The following SPRY3 variants were observed in gnomAD, a reference collection of about 807,000 sequenced individuals.
The protein encoded by SPRY3 is sprouty RTK signaling antagonist 3, also known as protein sprouty homolog 3.
Under a neutral mutation model 20.2 loss-of-function variants are expected in SPRY3, and 15 were observed. The ratio of observed to expected loss-of-function variants is 0.74; its 90% confidence interval spans 0.50 to 1.14. SPRY3 has a LOEUF of 1.14. Ranked by LOEUF, SPRY3 falls within the 50% of genes most tolerant of loss-of-function variation. The pLI is 0.00. For synonymous variants in SPRY3, 143 were observed against 136.5 expected (o/e 1.05, Z -0.33); for missense variants, 364 against 363.9 (o/e 1.00, Z 0.00).
chrX:155,741,527 G>A (rs1387987712), intron 2 of SPRY3, among the ~76,000 whole-genome samples: 2 of 151,992 alleles, frequency 1.3e-5, no homozygotes, highest in African/African-American at 4.8e-5. Flanking sequence ...TCCATGAGAA[G>A]ATCAAACCCC....
intron 2 of SPRY3, chrX:155,767,667 GA>G: frequency 7.0e-6 from 1 of 143,490 alleles, no homozygotes; most frequent in Non-Finnish European, 1.5e-5. Context: ...AGGAGGAGGA[GA>G]AGGGGGAGGA....
intron 2 of SPRY3, among the ~76,000 whole-genome samples, chrX:155,728,853 G>A (rs1251100726): frequency 2.6e-5 from 4 of 151,996 alleles, no homozygotes; most frequent in African/African-American, 9.7e-5. Flanking sequence ...ACACACATAG[G>A]TTAAAAATAA....
chrX:155,769,769 G>T (rs1285143633), intron 3 of SPRY3, among the ~76,000 whole-genome samples: 1 of 152,176 alleles, frequency 6.6e-6, no homozygotes, highest in East Asian at 1.9e-4. Context: ...GACTAGGGTA[G>T]CAAAGTGACA....
chrX:155,619,214 G>T (rs782133354), intron 1 of SPRY3, among the ~76,000 whole-genome samples: 83 of 111,246 alleles, frequency 7.5e-4, no homozygotes, highest in Non-Finnish European at 6.6e-4. Flanking sequence ...GGTAAAGTAT[G>T]AAATTTAGGT....
intron 2 of SPRY3, among the ~76,000 whole-genome samples, chrX:155,734,285 C>T (rs761366469): frequency 6.6e-6 from 1 of 152,112 alleles, no homozygotes; most frequent in Non-Finnish European, 1.5e-5. Flanking sequence ...GGCCTAATTT[C>T]CATACTGTTG....
At chrX:155,660,965 T>C (rs1603125518) in intron 2 of SPRY3, among the ~76,000 whole-genome samples, 1 of 111,829 alleles carries the variant, frequency 8.9e-6, no homozygotes, top group East Asian at 2.8e-4. Flanking sequence ...TGGATCTTGT[T>C]TCTTTAAATC....
At chrX:155,714,009 G>A (rs1268922911) in intron 2 of SPRY3, among the ~76,000 whole-genome samples, 2 of 152,104 alleles carry the variant, frequency 1.3e-5, no homozygotes, top group Admixed American at 6.6e-5. Flanking sequence ...CAGCATGTCA[G>A]TTGCATTTTT....
intron 1 of SPRY3, among the ~76,000 whole-genome samples, chrX:155,633,376 T>TA (rs1170609386): frequency 0.028 from 593 of 21,045 alleles, 28 homozygotes; most frequent in African/African-American, 0.057. Context: ...CCGTCTCTAC[T>TA]AAAAAAAAAA....
chrX:155,760,603 AT>A (rs2091300284), intron 2 of SPRY3, among the ~76,000 whole-genome samples: 1 of 152,028 alleles, frequency 6.6e-6, no homozygotes. Flanking sequence ...GTGGAAGACA[AT>A]TTTTCCACCA....
chrX:155,690,373 GCC>G (rs1442412776), intron 2 of SPRY3, among the ~76,000 whole-genome samples: 1 of 87,919 alleles, frequency 1.1e-5, no homozygotes, highest in Non-Finnish European at 2.1e-5. Context: ...CAGGCTAAAT[GCC>G]CCAATTAAAA....
intron 2 of SPRY3, among the ~76,000 whole-genome samples, chrX:155,668,487 T>A (rs2068031094): frequency 9.0e-6 from 1 of 111,132 alleles, no homozygotes; most frequent in Non-Finnish European, 1.9e-5. Context: ...TTGATCTATA[T>A]AGGGGTTACA....
chrX:155,754,527 A>G (rs959080416), intron 2 of SPRY3, among the ~76,000 whole-genome samples: 11 of 151,950 alleles, frequency 7.2e-5, no homozygotes, highest in African/African-American at 2.7e-4. Context: ...GAAAGATTTA[A>G]TACTTTTATT....
chrX:155,667,279 T>C (rs2068027491), intron 2 of SPRY3, among the ~76,000 whole-genome samples: 1 of 110,999 alleles, frequency 9.0e-6, no homozygotes, highest in Non-Finnish European at 1.9e-5. Context: ...TTTGTTGTTT[T>C]CTTAAAAGTG....
intron 2 of SPRY3, among the ~76,000 whole-genome samples, chrX:155,704,168 A>T (rs1306467106): frequency 1.3e-5 from 2 of 151,898 alleles, no homozygotes; most frequent in Non-Finnish European, 2.9e-5. Context: ...TACAAGAAAT[A>T]TTCAAAATCA....
intron 2 of SPRY3, among the ~76,000 whole-genome samples, chrX:155,731,925 T>C (rs2091135465): frequency 6.6e-6 from 1 of 152,056 alleles, no homozygotes; most frequent in Non-Finnish European, 1.5e-5. Context: ...TATTTTTGCA[T>C]TGCTCCAGTA....
In SPRY3 at chrX:155,773,750, A is replaced by T; in HGVS notation, c.-106-16A>T. ...CTGTGTGTTCTCATTTACTGTTTTT[A>T]TGCCTTCTCTCCTAGGATTTTCTCA... On this transcript the variant is annotated splice_polypyrimidine_tract_variant and intron_variant, in intron 3 of 3. Coordinates refer to ENST00000675360, the Ensembl canonical transcript of SPRY3. 8.5e-7 allele frequency: 1 copy of T among 1,179,406 alleles called. No individual in the cohort carries two copies. Among genetic ancestry groups the T allele is most frequent in the Non-Finnish European group, 1.2e-6 (1 of 826,698 alleles). The allele number at this position is 1,179,406 out of a possible 1,614,324, so 73.1% of individuals were successfully genotyped here.
At chrX:155,774,958 C>A in exon 4 of SPRY3, 1 of 607,654 alleles carries the variant, frequency 1.6e-6, no homozygotes, top group Non-Finnish European at 2.9e-6. Flanking sequence ...TTACACCCTG[C>A]CAGCTCAGCC....
At chrX:155,633,414 C>T (rs1309876125) in intron 1 of SPRY3, among the ~76,000 whole-genome samples, 1 of 103,668 alleles carries the variant, frequency 9.6e-6, no homozygotes, top group African/African-American at 3.6e-5. Flanking sequence ...GTTCATAGAC[C>T]TAGAGCTCTG....
At chrX:155,761,715 T>TA (rs536077429) in intron 2 of SPRY3, among the ~76,000 whole-genome samples, 6 of 59,292 alleles carry the variant, frequency 1.0e-4, no homozygotes, top group Admixed American at 3.6e-4. Flanking sequence ...CCAGCACCTA[T>TA]TTTTTTTTTT....
Sources: allele counts gnomAD v4.1 joint callset (sites outside exome capture counted in the v4.1 genomes callset), GRCh38; gene constraint gnomAD v4.1.1; transcripts MANE v1.5; gene names NCBI Gene and HGNC (gene_info 2026-07-23, HGNC 2026-07-21).